Variants in NPSR1 observed in about 807,000 individuals in gnomAD.
The protein encoded by NPSR1 is neuropeptide S receptor.
In NPSR1, 48 loss-of-function variants were observed where a neutral mutation model predicts 46.9. The observed-to-expected ratio is 1.02, with a 90% CI of 0.81 to 1.30. The LOEUF is 1.30. Among genes scored for constraint, NPSR1 ranks in the 50% most tolerant of loss-of-function variants. The pLI, the probability that NPSR1 is intolerant of heterozygous loss-of-function variation, is 0.00. For synonymous variants in NPSR1, 176 were observed against 168.1 expected (o/e 1.05, Z -0.36); for missense variants, 450 against 449.5 (o/e 1.00, Z -0.01).
At chr7:34,867,404 T>G (rs949925817) in intron 8 of NPSR1, among the ~76,000 whole-genome samples, 5 of 151,784 alleles carry the variant, frequency 3.3e-5, no homozygotes, top group Non-Finnish European at 7.3e-5. Context: ...GCCTCCTGTT[T>G]CTATCTTCAG....
chr7:34,756,172 T>C (rs1785830133), intron 2 of NPSR1, among the ~76,000 whole-genome samples: 1 of 152,138 alleles, frequency 6.6e-6, no homozygotes, highest in African/African-American at 2.4e-5. Context: ...GCTCGGATTG[T>C]TCTCCCCACC....
At chr7:34,790,363 G>A (rs2128742531) in intron 3 of NPSR1, among the ~76,000 whole-genome samples, 1 of 152,058 alleles carries the variant, frequency 6.6e-6, no homozygotes, top group East Asian at 1.9e-4. Context: ...GTACAGAAGA[G>A]AAGTGCTTCA....
At chr7:34,674,711 C>T (rs530359269) in intron 1 of NPSR1, among the ~76,000 whole-genome samples, 64 of 152,286 alleles carry the variant, frequency 4.2e-4, no homozygotes, top group African/African-American at 1.4e-3. Context: ...ATGAGGGGCA[C>T]GGAAAGCTTT....
rs1025986392 is a variant in NPSR1, at chr7:34,834,280, G to A, written c.681-104G>A. 8.6e-6 allele frequency: 7 copies of A among 818,316 alleles called. No homozygotes were observed. The African/African-American group carries it at 1.2e-4, about 14-fold the overall frequency. 50.7% of individuals were successfully genotyped at this position (818,316 alleles called of 1,614,324 possible). On this transcript the variant is annotated intron_variant, in intron 5 of 8. Transcript: ENST00000360581. ...GGGGGCAGGCATGGTTAAAAGATCT[G>A]TCCCTTCACACCTTGCACTCGGGGA...
intron 2 of NPSR1, among the ~76,000 whole-genome samples, chr7:34,756,016 G>C (rs531234598): frequency 6.6e-6 from 1 of 152,220 alleles, no homozygotes; most frequent in Non-Finnish European, 1.5e-5. Flanking sequence ...ACAAATACAG[G>C]TCTCTGAATA....
chr7:34,725,083 CCACACACACACAGACTCACA>C (rs1179185590), intron 2 of NPSR1, among the ~76,000 whole-genome samples: 2 of 144,218 alleles, frequency 1.4e-5, no homozygotes, highest in African/African-American at 2.6e-5. Flanking sequence ...TTCTAAGTAC[CCACACACACACAGACTCACA>C]CACACACACA....
At chr7:34,720,204 C>T (rs761450856) in intron 2 of NPSR1, among the ~76,000 whole-genome samples, 3 of 151,012 alleles carry the variant, frequency 2.0e-5, no homozygotes, top group Admixed American at 6.6e-5. Context: ...CGCTTGAACC[C>T]GGGAGGTGGA....
At chr7:34,807,332 T>C (rs1157872684) in intron 3 of NPSR1, among the ~76,000 whole-genome samples, 6 of 152,152 alleles carry the variant, frequency 3.9e-5, no homozygotes, top group Non-Finnish European at 8.8e-5. Context: ...ACTATTCTTA[T>C]GTTATGAAGT....
In NPSR1 at chr7:34,699,669, T is replaced by C. The variant is rs537080001; in HGVS notation, c.280+14985T>C. 5.0e-4 allele frequency among the ~76,000 whole-genome samples: 76 copies of C among 152,298 alleles called. 2 individuals carry two copies. The South Asian group carries it at 0.014, about 29-fold the overall frequency. On this transcript the variant is annotated intron_variant, in intron 2 of 8. Transcript: ENST00000360581. Reference sequence around the variant, plus strand: ...ACAAAGAGAGAGAAACAGCAAGTTATGTGCCGTCTCTTCTTGTAGGCTCAC... The same window carrying C: ...ACAAAGAGAGAGAAACAGCAAGTTACGTGCCGTCTCTTCTTGTAGGCTCAC...
rs1045135579 is a variant in NPSR1, at chr7:34,751,223, T to C, written c.281-27239T>C. On this transcript the variant is annotated intron_variant, in intron 2 of 8. Transcript: ENST00000360581. Reference sequence around the variant, plus strand: ...GGAAAGTGGATGGCCAGATCCCCAGTGGCAACGATGAGATTAGACCGGACA... The same window carrying C: ...GGAAAGTGGATGGCCAGATCCCCAGCGGCAACGATGAGATTAGACCGGACA... 1.1e-5 allele frequency: 12 copies of C among 1,112,248 alleles called. No homozygotes were observed. The African/African-American group carries it at 1.2e-4, about 11-fold the overall frequency. The allele number at this position is 1,112,248 out of a possible 1,614,324, so 68.9% of individuals were successfully genotyped here.
At chr7:34,707,291 G>A (rs1025564668) in intron 2 of NPSR1, among the ~76,000 whole-genome samples, 1 of 152,170 alleles carries the variant, frequency 6.6e-6, no homozygotes, top group South Asian at 2.1e-4. Context: ...AGTTGAGGGG[G>A]ATTCTTACAT....
At chr7:34,699,664 AGTT>A (rs1187655890) in intron 2 of NPSR1, among the ~76,000 whole-genome samples, 1 of 152,166 alleles carries the variant, frequency 6.6e-6, no homozygotes, top group Non-Finnish European at 1.5e-5. Flanking sequence ...AGAAACAGCA[AGTT>A]ATGTGCCGTC....
downstream of NPSR1, among the ~76,000 whole-genome samples, chr7:34,850,549 C>A (rs965060352): frequency 6.6e-6 from 1 of 152,048 alleles, no homozygotes; most frequent in South Asian, 2.1e-4. Context: ...CACAGGTGCC[C>A]GCCACCACGC....
chr7:34,700,860 T>C (rs190832929), intron 2 of NPSR1, among the ~76,000 whole-genome samples: 3 of 152,362 alleles, frequency 2.0e-5, no homozygotes, highest in Admixed American at 6.5e-5. Flanking sequence ...GTGCCTAGTA[T>C]AGTAAGAGGC....
intron 6 of NPSR1, among the ~76,000 whole-genome samples, chr7:34,840,231 T>C (rs1790515541): frequency 6.6e-6 from 1 of 152,104 alleles, no homozygotes; most frequent in African/African-American, 2.4e-5. Context: ...GCACCTCAGA[T>C]GACAAGAAAG....
chr7:34,685,367 A>T (rs1346530104), intron 2 of NPSR1, among the ~76,000 whole-genome samples: 3 of 152,194 alleles, frequency 2.0e-5, no homozygotes, highest in African/African-American at 7.2e-5. Context: ...CCAGGGAAAG[A>T]GTCCTGTTCT....
At chr7:34,803,716 ATAG>A (rs1003094982) in intron 3 of NPSR1, among the ~76,000 whole-genome samples, 115 of 151,514 alleles carry the variant, frequency 7.6e-4, no homozygotes, top group African/African-American at 2.7e-3. Flanking sequence ...TTAAAGTATA[ATAG>A]TAATAAAATA....
At chr7:34,754,151 G>T (rs188747644) in intron 2 of NPSR1, among the ~76,000 whole-genome samples, 97 of 151,180 alleles carry the variant, frequency 6.4e-4, no homozygotes, top group African/African-American at 2.3e-3. Context: ...CTTTTCTGAG[G>T]TCTACACCCC....
chr7:34,747,054 G>A (rs1349644112), intron 2 of NPSR1, among the ~76,000 whole-genome samples: 1 of 151,450 alleles, frequency 6.6e-6, no homozygotes, highest in Non-Finnish European at 1.5e-5. Context: ...GAACCTGGGA[G>A]GTGGAGGTTG....
Sources: allele counts gnomAD v4.1 joint callset (sites outside exome capture counted in the v4.1 genomes callset), GRCh38; gene constraint gnomAD v4.1.1; transcripts MANE v1.5; gene names NCBI Gene and HGNC (gene_info 2026-07-23, HGNC 2026-07-21).